CNTN3: variants seen among roughly 807,000 people sequenced by gnomAD.
CNTN3 encodes contactin-3.
CNTN3 carries 60 observed loss-of-function variants against 119.1 expected under a neutral mutation model. The observed-to-expected ratio is 0.50, with a 90% CI of 0.41 to 0.62. CNTN3 has a LOEUF of 0.62. CNTN3 is among the 20% of genes least tolerant of loss of function. The pLI is 0.00. For missense variants in CNTN3, 1,101 were observed against 1,242.4 expected (o/e 0.89, Z 1.71); for synonymous variants, 450 against 438.7 (o/e 1.03, Z -0.32).
rs1352219150 is a variant in CNTN3 at position 74,442,172 on chromosome 3, CACACAGAGAG to C, written c.359-17242_359-17233del. ...ACACACACACACACACACACACACACACACAGAGAGAGAGAGATTATTTTTATATCCCATG... is the reference window on the plus strand; with the variant it reads ...ACACACACACACACACACACACACACAGAGAGATTATTTTTATATCCCATG... On this transcript the variant is annotated intron_variant, in intron 4 of 22. Coordinates refer to ENST00000263665, the MANE Select transcript of CNTN3 (RefSeq NM_020872.3). Among the ~76,000 whole-genome samples, 443 of 113,044 alleles carry C rather than the reference CACACAGAGAG, an allele frequency of 3.9e-3. 4 individuals are homozygous for C. The highest frequency in any genetic ancestry group is 0.012 in the African/African-American group (412 of 33,486). 74.2% of individuals were successfully genotyped at this position (113,044 alleles called of 152,430 possible). A position where few individuals can be genotyped will look rare whatever the true frequency, so the allele number is the denominator to read the frequency against.
intron 1 of CNTN3, among the ~76,000 whole-genome samples, chr3:74,614,033 A>C (rs561388219): frequency 6.6e-6 from 1 of 152,196 alleles, no homozygotes; most frequent in African/African-American, 2.4e-5. Context: ...TGCATCATGC[A>C]CCTGGAATTG....
At chr3:74,283,355 C>T (rs764895668) in intron 20 of CNTN3, among the ~76,000 whole-genome samples, 36 of 152,070 alleles carry the variant, frequency 2.4e-4, no homozygotes, top group Non-Finnish European at 3.4e-4. Context: ...GAACCATGAC[C>T]GGAAATTGCT....
At chr3:74,564,047 A>G (rs1450162915) in intron 1 of CNTN3, among the ~76,000 whole-genome samples, 1 of 152,160 alleles carries the variant, frequency 6.6e-6, no homozygotes, top group Admixed American at 6.6e-5. Context: ...TGATGTTCAT[A>G]TTATAAAGAA....
chr3:74,296,091 A>T (rs502114), intron 18 of CNTN3, among the ~76,000 whole-genome samples: 86,807 of 151,950 alleles, frequency 0.57, 25,949 homozygotes, highest in African/African-American at 0.73. Context: ...CTGATTGAAG[A>T]TCTTTGTGAG....
At chr3:74,610,123 G>T (rs1705055979) in intron 1 of CNTN3, among the ~76,000 whole-genome samples, 1 of 152,024 alleles carries the variant, frequency 6.6e-6, no homozygotes. Flanking sequence ...AGGAGTTCAA[G>T]AACAGCTTTG....
chr3:74,320,925 T>C (rs1316193790), intron 13 of CNTN3, among the ~76,000 whole-genome samples: 1 of 151,124 alleles, frequency 6.6e-6, no homozygotes, highest in Non-Finnish European at 1.5e-5. Context: ...ATTCAGCACA[T>C]ATTCAATAAA....
chr3:74,422,588 G>T (rs1701633696), intron 5 of CNTN3, among the ~76,000 whole-genome samples: 1 of 152,170 alleles, frequency 6.6e-6, no homozygotes, highest in African/African-American at 2.4e-5. Flanking sequence ...TGTTCACTCT[G>T]TGCATACTTA....
chr3:74,511,224 T>C (rs531368262), intron 2 of CNTN3, among the ~76,000 whole-genome samples: 1 of 152,254 alleles, frequency 6.6e-6, no homozygotes, highest in African/African-American at 2.4e-5. Context: ...CTAGCAATCT[T>C]CAATTCAGCA....
At chr3:74,288,063 A>T (rs541504912) in intron 19 of CNTN3, among the ~76,000 whole-genome samples, 1 of 152,248 alleles carries the variant, frequency 6.6e-6, no homozygotes, top group East Asian at 1.9e-4. Context: ...GCAGGGAATT[A>T]GACCTAATGC....
At chr3:74,319,467 A>G (rs948853280) in intron 13 of CNTN3, among the ~76,000 whole-genome samples, 10 of 152,190 alleles carry the variant, frequency 6.6e-5, no homozygotes, top group Non-Finnish European at 1.5e-4. Context: ...AGCAATATGT[A>G]GAAAGCTGAA....
At chr3:74,575,145 G>C (rs1486927063) in intron 1 of CNTN3, among the ~76,000 whole-genome samples, 1 of 152,006 alleles carries the variant, frequency 6.6e-6, no homozygotes, top group African/African-American at 2.4e-5. Context: ...AGCTGGTCTT[G>C]AACTCCTGGG....
In CNTN3 at chr3:74,591,727, T is replaced by C. The variant is rs1178206258; in HGVS notation, c.-81+22664A>G. On this transcript the variant is annotated intron_variant, in intron 1 of 22. Coordinates refer to ENST00000263665, the MANE Select transcript of CNTN3 (RefSeq NM_020872.3). ...TCCTGACAGGGAAGATGTATGGTCC[T>C]GAGACAGAAATAGGAAAGGGTAAGG... Among the ~76,000 whole-genome samples the C allele has an allele frequency of 1.3e-5, 2 of 151,864 alleles. 1 individual carries two copies. Among genetic ancestry groups the C allele is most frequent in the East Asian group, 3.9e-4 (2 of 5,146 alleles).
At chr3:74,470,018 G>A (rs528139654) in intron 4 of CNTN3, among the ~76,000 whole-genome samples, 49 of 152,118 alleles carry the variant, frequency 3.2e-4, no homozygotes, top group African/African-American at 1.2e-3. Context: ...AATATTATTC[G>A]GCAATAAACA....
intron 1 of CNTN3, among the ~76,000 whole-genome samples, chr3:74,583,773 T>C (rs77984950): frequency 1.4e-4 from 22 of 152,344 alleles, no homozygotes; most frequent in Admixed American, 9.2e-4. Context: ...GAGAAGATTA[T>C]ACATTTTAAA....
At chr3:74,491,518 A>G (rs1470230192) in intron 3 of CNTN3, among the ~76,000 whole-genome samples, 1 of 152,046 alleles carries the variant, frequency 6.6e-6, no homozygotes, top group Non-Finnish European at 1.5e-5. Context: ...AAAAACAAAA[A>G]ACAAACAAAC....
At chr3:74,368,482 A>G (rs6798036) in intron 8 of CNTN3, among the ~76,000 whole-genome samples, 151,958 of 152,138 alleles carry the variant, frequency 1, 75,889 homozygotes, top group Non-Finnish European at 1. Flanking sequence ...TATTTTATAA[A>G]TCCGTTTTGA....
intron 4 of CNTN3, among the ~76,000 whole-genome samples, chr3:74,472,739 A>G (rs977630413): frequency 5.9e-5 from 9 of 152,206 alleles, no homozygotes; most frequent in African/African-American, 2.2e-4. Context: ...GAGTTGTAGC[A>G]TTTGGCTTTA....
chr3:74,423,150 C>A (rs540359104), intron 5 of CNTN3, among the ~76,000 whole-genome samples: 2 of 152,258 alleles, frequency 1.3e-5, no homozygotes, highest in East Asian at 1.9e-4. Flanking sequence ...TTGATTCAAT[C>A]CCTGAATCCA....
At chr3:74,427,471 C>A (rs1179177110) in intron 4 of CNTN3, among the ~76,000 whole-genome samples, 1 of 152,100 alleles carries the variant, frequency 6.6e-6, no homozygotes, top group Non-Finnish European at 1.5e-5. Context: ...ACACTAGGAA[C>A]TATGAGAAAA....
Sources: allele counts gnomAD v4.1 joint callset (sites outside exome capture counted in the v4.1 genomes callset), GRCh38; gene constraint gnomAD v4.1.1; transcripts MANE v1.5; gene names NCBI Gene and HGNC (gene_info 2026-07-23, HGNC 2026-07-21).